The following GCNT1 variants were observed in gnomAD, a reference collection of about 807,000 sequenced individuals.
GCNT1 encodes glucosaminyl (N-acetyl) transferase 1.
Under a neutral mutation model 26.2 loss-of-function variants are expected in GCNT1, and 16 were observed. The ratio of observed to expected loss-of-function variants is 0.61; its 90% CI spans 0.41 to 0.93. GCNT1 has a LOEUF of 0.93. Ranked by LOEUF, GCNT1 falls within the 40% of genes least tolerant of loss-of-function variation. The probability of loss-of-function intolerance (pLI) is 0.00; values close to 1 mark genes in which losing one functional copy is unlikely to be tolerated. For synonymous variants in GCNT1, 183 were observed against 190.8 expected, an observed-to-expected ratio of 0.96 and a Z score of 0.34; for missense variants, 477 against 526.7, an observed-to-expected ratio of 0.91 and a Z score of 0.92.
At chr9:76,477,892 C>T (rs1824290472) in intron 2 of GCNT1, among the ~76,000 whole-genome samples, 1 of 152,194 alleles carries the variant, frequency 6.6e-6, no homozygotes, top group South Asian at 2.1e-4. Context: ...GAGGTGAAGC[C>T]AGCTGGGCTT....
At chr9:76,401,626 G>A in the GCNT1 span, among the ~76,000 whole-genome samples, 1 of 152,168 alleles carries the variant, frequency 6.6e-6, no homozygotes, top group African/African-American at 2.4e-5. Flanking sequence ...ATCAAAGCAA[G>A]AGCAAACATG....
At chr9:76,417,714 C>G (rs1823145177), upstream of GCNT1, among the ~76,000 whole-genome samples, 1 of 152,170 alleles carries the variant, frequency 6.6e-6, no homozygotes, top group Admixed American at 6.6e-5. Flanking sequence ...ATTTCTGTAG[C>G]TGCTGGTTGT....
chr9:76,467,468 A>G (rs1824027002), intron 2 of GCNT1, among the ~76,000 whole-genome samples: 2 of 152,068 alleles, frequency 1.3e-5, no homozygotes, highest in South Asian at 2.1e-4. Context: ...TGTTGGCTAT[A>G]CATTAGGAAC....
rs559214169 is a variant in GCNT1 at position 76,476,931 on chromosome 9, TA to T, written c.-290+16755del. On this transcript the variant is annotated intron_variant, in intron 2 of 3. Coordinates refer to ENST00000376730, the MANE Select transcript of GCNT1 (RefSeq NM_001490.5). The stretch of plus-strand genomic sequence containing the variant: ...AATTTTATTTATTTATTTATTTGTT[TA>T]GACAGAGTCTTACTCTGTCACCAGG... 2.0e-3 allele frequency among the ~76,000 whole-genome samples: 300 copies of T among 152,262 alleles called. 3 individuals carry two copies. The highest frequency in any genetic ancestry group is 6.8e-3 in the African/African-American group (281 of 41,570).
the GCNT1 span, among the ~76,000 whole-genome samples, chr9:76,394,696 A>G: frequency 6.6e-6 from 1 of 152,158 alleles, no homozygotes; most frequent in African/African-American, 2.4e-5. Context: ...CCCCGTTTTC[A>G]GCCTGAGAGC....
Position 76,505,698 on chromosome 9 carries a change from TTGTA to T in GCNT1, c.*2036_*2039del. 1 of 167,214 alleles carries T rather than the reference TTGTA, an allele frequency of 6.0e-6. No individual in the cohort carries two copies. Among genetic ancestry groups the T allele is most frequent in the African/African-American group, 2.4e-5 (1 of 41,590 alleles). 10.4% of individuals were successfully genotyped at this position (167,214 alleles called of 1,614,324 possible). On this transcript the variant is annotated 3_prime_UTR_variant, in exon 4 of 4. Coordinates refer to ENST00000376730, the MANE Select transcript of GCNT1 (RefSeq NM_001490.5). ...AACATTGTACCCTATTTGCTTTAAG[TTGTA>T]TGTATTTCTGAACTTGGCAAAATTG...
In GCNT1 at chr9:76,459,944, C is replaced by T. The variant is rs563366856; in HGVS notation, c.-407-116C>T. On this transcript the variant is annotated intron_variant, in intron 1 of 3. Coordinates refer to ENST00000376730, the MANE Select transcript of GCNT1 (RefSeq NM_001490.5). Reference sequence around the variant, plus strand: ...TCGTCTTAAAAGCATTTTACCCCCTCCTAGGTTTCTCTTTCCTCTTTTTTT... The same window carrying T: ...TCGTCTTAAAAGCATTTTACCCCCTTCTAGGTTTCTCTTTCCTCTTTTTTT... 4 of 152,298 alleles carry T rather than the reference C, an allele frequency of 2.6e-5. No individual in the cohort carries two copies. The East Asian group carries it at 7.7e-4, about 29-fold the overall frequency. The allele number at this position is 152,298 out of a possible 1,614,324, so 9.4% of individuals were successfully genotyped here.
the GCNT1 span, among the ~76,000 whole-genome samples, chr9:76,403,587 T>G: frequency 6.6e-6 from 1 of 152,240 alleles, no homozygotes; most frequent in Non-Finnish European, 1.5e-5. Flanking sequence ...CATCAGGCCC[T>G]GTGCTAGACA....
At chr9:76,452,944 C>A (rs1231014728) in intron 1 of GCNT1, among the ~76,000 whole-genome samples, 1 of 152,210 alleles carries the variant, frequency 6.6e-6, no homozygotes, top group African/African-American at 2.4e-5. Context: ...ATTACATCCT[C>A]CCGTGGAATA....
At chr9:76,396,275 G>T in the GCNT1 span, among the ~76,000 whole-genome samples, 1 of 152,226 alleles carries the variant, frequency 6.6e-6, no homozygotes, top group South Asian at 2.1e-4. Flanking sequence ...CATCAGCTTT[G>T]TTGGAAAGCA....
At chr9:76,501,733 A>G (rs1433161547) in intron 3 of GCNT1, 1 of 152,200 alleles carries the variant, frequency 6.6e-6, no homozygotes, top group Non-Finnish European at 1.5e-5. Context: ...AAAAAGCAGA[A>G]TGGATCTGAT....
At chr9:76,399,299 C>T in the GCNT1 span, 3 of 1,425,238 alleles carry the variant, frequency 2.1e-6, no homozygotes, top group South Asian at 3.4e-5. Flanking sequence ...CATGCCTGAT[C>T]TCTACTTCTA....
At chr9:76,415,293 G>A (rs1354450171), upstream of GCNT1, among the ~76,000 whole-genome samples, 1 of 152,242 alleles carries the variant, frequency 6.6e-6, no homozygotes, top group East Asian at 1.9e-4. Flanking sequence ...CTGGGCTCAA[G>A]CAATCCACTT....
intron 1 of GCNT1, among the ~76,000 whole-genome samples, chr9:76,452,412 T>C (rs1789607642): frequency 6.6e-6 from 1 of 152,200 alleles, no homozygotes; most frequent in South Asian, 2.1e-4. Flanking sequence ...TAGGTACTTA[T>C]ATTAGACCAT....
intron 2 of GCNT1, among the ~76,000 whole-genome samples, chr9:76,478,510 G>C (rs1284732095): frequency 6.6e-6 from 1 of 152,152 alleles, no homozygotes; most frequent in African/African-American, 2.4e-5. Context: ...CTCACCGGGA[G>C]GGTCCGCAGC....
chr9:76,415,263 C>G (rs925221287), upstream of GCNT1, among the ~76,000 whole-genome samples: 4 of 152,094 alleles, frequency 2.6e-5, no homozygotes, highest in African/African-American at 9.7e-5. Context: ...CACCATGTTG[C>G]TCAGGCTGGT....
upstream of GCNT1, among the ~76,000 whole-genome samples, chr9:76,436,730 A>G (rs13291010): frequency 6.6e-6 from 1 of 152,310 alleles, no homozygotes; most frequent in Non-Finnish European, 1.5e-5. Context: ...GTAAGACAGG[A>G]ATTAATAGGA....
the GCNT1 span, among the ~76,000 whole-genome samples, chr9:76,411,697 C>CT: frequency 0.027 from 2,215 of 83,450 alleles, 97 homozygotes; most frequent in Middle Eastern, 0.034. Flanking sequence ...ATCAATTATA[C>CT]TTTTTTTTTT....
At chr9:76,488,260 T>C (rs996755211) in intron 2 of GCNT1, among the ~76,000 whole-genome samples, 8 of 152,232 alleles carry the variant, frequency 5.3e-5, no homozygotes, top group African/African-American at 1.9e-4. Flanking sequence ...CTAGAAACCA[T>C]TCTTTCATTT....
Sources: gnomAD v4.1 joint callset for allele counts (sites outside exome capture counted in the v4.1 genomes callset) on GRCh38, gnomAD v4.1.1 for gene constraint, MANE v1.5 for transcripts, NCBI Gene and HGNC (gene_info 2026-07-23, HGNC 2026-07-21) for gene names.